TAMM41: variants seen among roughly 807,000 people sequenced by gnomAD.
TAMM41 encodes phosphatidate cytidylyltransferase, mitochondrial.
A neutral mutation model predicts 44.1 loss-of-function variants in TAMM41; 36 were observed. The observed-to-expected ratio is 0.82, with a 90% CI of 0.63 to 1.08. TAMM41 has a LOEUF of 1.08. Ranked by LOEUF, TAMM41 falls within the 50% of genes least tolerant of loss-of-function variation. The probability of loss-of-function intolerance (pLI) is 0.00; values close to 1 mark genes in which losing one functional copy is unlikely to be tolerated. For synonymous variants in TAMM41, 164 were observed against 153.1 expected (o/e 1.07, Z -0.53); for missense variants, 417 against 404.3 (o/e 1.03, Z -0.27).
the TAMM41 span, among the ~76,000 whole-genome samples, chr3:11,757,973 G>GGAGAGTTACAGAGAGCCATGGAAGTGT: frequency 3.9e-5 from 6 of 152,170 alleles, no homozygotes; most frequent in Non-Finnish European, 7.3e-5. Flanking sequence ...TTTTTATAAA[G>GGAGAGTTACAGAGAGCCATGGAAGTGT]GAGAGTTACA....
intron 3 of TAMM41, among the ~76,000 whole-genome samples, chr3:11,835,182 T>TA (rs1559320235): frequency 1.3e-5 from 2 of 152,234 alleles, no homozygotes; most frequent in African/African-American, 4.8e-5. Flanking sequence ...TCCAAGATAC[T>TA]ACCACCCTCT....
At chr3:11,834,625 T>A (rs1184022856) in intron 3 of TAMM41, among the ~76,000 whole-genome samples, 1 of 152,160 alleles carries the variant, frequency 6.6e-6, no homozygotes, top group African/African-American at 2.4e-5. Context: ...AATGGTAAAG[T>A]ATGATAAAAA....
the TAMM41 span, among the ~76,000 whole-genome samples, chr3:11,737,081 C>G: frequency 0.092 from 14,026 of 151,906 alleles, 787 homozygotes; most frequent in East Asian, 0.17. Flanking sequence ...AGCTCCTGAC[C>G]ACTTTCTCGG....
At chr3:11,807,629 ACTGCCAATGGT>A (rs752447895) in intron 7 of TAMM41, 193 bp downstream of exon 7, 1 of 1,536,296 alleles carries the variant, frequency 6.5e-7, no homozygotes, top group Admixed American at 2.0e-5. Flanking sequence ...TTCCAACAGC[ACTGCCAATGGT>A]CTGACATTGT....
At chr3:11,845,015 G>C (rs993306106) in intron 1 of TAMM41, 2 of 456,336 alleles carry the variant, frequency 4.4e-6, no homozygotes, top group African/African-American at 4.0e-5. Context: ...GGAAGCACAG[G>C]GAAGGGTAGG....
At chr3:11,749,409 A>G in the TAMM41 span, among the ~76,000 whole-genome samples, 1 of 152,300 alleles carries the variant, frequency 6.6e-6, no homozygotes, top group Non-Finnish European at 1.5e-5. Context: ...CCTGGCCACC[A>G]AAGCCTGTTT....
intron 7 of TAMM41, among the ~76,000 whole-genome samples, chr3:11,806,878 C>T (rs931783505): frequency 1.3e-5 from 2 of 152,108 alleles, no homozygotes; most frequent in Non-Finnish European, 2.9e-5. Flanking sequence ...GATTAAGAAT[C>T]AGATTGGCTT....
At chr3:11,806,128 A>G (rs1046564349) in intron 7 of TAMM41, among the ~76,000 whole-genome samples, 1 of 152,228 alleles carries the variant, frequency 6.6e-6, no homozygotes, top group African/African-American at 2.4e-5. Flanking sequence ...CTAATCAATT[A>G]AACCTCTTTC....
the TAMM41 span, among the ~76,000 whole-genome samples, chr3:11,749,703 G>T: frequency 6.6e-6 from 1 of 152,148 alleles, no homozygotes; most frequent in Admixed American, 6.5e-5. Context: ...CAGATATGAA[G>T]CGGAAGGGAG....
At chr3:11,727,992 G>A in the TAMM41 span, among the ~76,000 whole-genome samples, 5 of 151,810 alleles carry the variant, frequency 3.3e-5, no homozygotes, top group African/African-American at 1.2e-4. Flanking sequence ...TCTCCATGTT[G>A]GTCAGGCTGG....
At chr3:11,834,916 G>C (rs2079116627) in intron 3 of TAMM41, among the ~76,000 whole-genome samples, 1 of 152,146 alleles carries the variant, frequency 6.6e-6, no homozygotes, top group African/African-American at 2.4e-5. Context: ...TCGAACTCCT[G>C]ACCTCAGGTG....
chr3:11,810,130 A>G (rs141404981), intron 5 of TAMM41: 2 of 155,080 alleles, frequency 1.3e-5, no homozygotes, highest in African/African-American at 4.8e-5. Flanking sequence ...TGGGATCTGA[A>G]TTGTGTCTCC....
intron 7 of TAMM41, among the ~76,000 whole-genome samples, chr3:11,804,486 G>T (rs2077842891): frequency 6.6e-6 from 1 of 152,114 alleles, no homozygotes; most frequent in Non-Finnish European, 1.5e-5. Context: ...AAAAGAAAGG[G>T]AATTTTTTAA....
the TAMM41 span, among the ~76,000 whole-genome samples, chr3:11,746,823 A>T: frequency 7.1e-6 from 1 of 141,638 alleles, no homozygotes; most frequent in Admixed American, 6.8e-5. Context: ...TTTTGTAGAG[A>T]CAGGGTCTCA....
chr3:11,749,459 C>T, the TAMM41 span, among the ~76,000 whole-genome samples: 7 of 152,330 alleles, frequency 4.6e-5, no homozygotes, highest in East Asian at 7.7e-4. Flanking sequence ...GGAGAGCCCT[C>T]GAATTCTGTG....
intron 5 of TAMM41, among the ~76,000 whole-genome samples, chr3:11,812,916 GAGA>G (rs2078136501): frequency 1.3e-5 from 2 of 152,150 alleles, no homozygotes; most frequent in African/African-American, 2.4e-5. Flanking sequence ...GCAGAGATGG[GAGA>G]AGATGAGTCT....
intron 4 of TAMM41, among the ~76,000 whole-genome samples, chr3:11,820,258 A>T (rs759232292): frequency 6.6e-6 from 1 of 152,242 alleles, no homozygotes; most frequent in Non-Finnish European, 1.5e-5. Context: ...CCTGAAGTGA[A>T]AGATCAGTTT....
rs568844445 is a variant in TAMM41 at position 11,828,494 on chromosome 3, T to G, written c.562+1220A>C. On this transcript the variant is annotated intron_variant, in intron 4 of 7. Coordinates refer to ENST00000455809, the MANE Select transcript of TAMM41 (RefSeq NM_001284401.2). The stretch of plus-strand genomic sequence containing the variant: ...CAGTCCTGCATCTTCTCCCACCAAG[T>G]CAGCTTTCATAAAAGGCTTCCGTTC... Among the ~76,000 whole-genome samples, 3 of 152,302 alleles carry G rather than the reference T, an allele frequency of 2.0e-5. No individual in the cohort carries two copies. The East Asian group carries it at 5.8e-4, about 29-fold the overall frequency.
chr3:11,839,316 T>C lies in TAMM41; in HGVS notation c.319-2A>G. 1 of 1,599,244 alleles carries C rather than the reference T, an allele frequency of 6.3e-7. No homozygotes were observed. ...GCTAATAACTCCATATTTGATAAGCTGAAGGAAAAAAGAAATGGCACAAAA... is the reference window on the plus strand; with the variant it reads ...GCTAATAACTCCATATTTGATAAGCCGAAGGAAAAAAGAAATGGCACAAAA... On this transcript the variant is annotated splice_acceptor_variant, in intron 2 of 7. Coordinates refer to ENST00000455809, the MANE Select transcript of TAMM41 (RefSeq NM_001284401.2). LOFTEE classifies it high-confidence loss of function.
Sources: allele counts gnomAD v4.1 joint callset (sites outside exome capture counted in the v4.1 genomes callset), GRCh38; gene constraint gnomAD v4.1.1; transcripts MANE v1.5; gene names NCBI Gene and HGNC (gene_info 2026-07-23, HGNC 2026-07-21).